XDH: variants seen among roughly 807,000 people sequenced by gnomAD.
The protein encoded by XDH is xanthine dehydrogenase/oxidase.
In XDH, 138 loss-of-function variants were observed where a neutral mutation model predicts 156.1. That is an observed-to-expected ratio of 0.88 (90% confidence interval 0.77 to 1.02). The LOEUF (loss-of-function observed/expected upper bound fraction) is 1.02, where lower values mean the gene tolerates loss of function less well. Ranked by LOEUF, XDH falls within the 50% of genes least tolerant of loss-of-function variation. The pLI is 0.00. For missense variants in XDH, 1,849 were observed against 1,684.9 expected (o/e 1.10, Z -1.71); for synonymous variants, 669 against 625.7 (o/e 1.07, Z -1.03).
chr2:31,349,838 A>G lies in XDH; in HGVS notation c.2824-7T>C, dbSNP rs1368699546. ...ACAGGTTTTTTCTCCGCACCTTCCC[A>G]AGGAGAGAGACACAGAGGCCTTGTT... On this transcript the variant is annotated splice_polypyrimidine_tract_variant and splice_region_variant and intron_variant, in intron 25 of 35. Transcript: ENST00000379416. 7 of 1,613,704 alleles carry G rather than the reference A, an allele frequency of 4.3e-6. No homozygotes were observed. The highest frequency in any genetic ancestry group is 4.0e-5 in the African/African-American group (3 of 74,896).
In XDH at chr2:31,366,827, C is replaced by T. The variant is rs960180775; in HGVS notation, c.2322+43G>A. The T allele has an allele frequency of 2.0e-5, 32 of 1,613,008 alleles. 1 individual carries two copies. The highest frequency in any genetic ancestry group is 2.2e-5 in the Non-Finnish European group (26 of 1,179,886). ...CCCTCCTGGTCTGCTAGGAGCTCCC[C>T]GCTACCCTGACAGCCCCTTGAGCTG... On this transcript the variant is annotated intron_variant, in intron 21 of 35. Transcript: ENST00000379416.
intron 24 of XDH, among the ~76,000 whole-genome samples, chr2:31,362,220 G>A (rs892043236): frequency 7.9e-5 from 12 of 152,140 alleles, no homozygotes; most frequent in African/African-American, 2.7e-4. Flanking sequence ...AGGCACCATT[G>A]ACTATGATTT....
At chr2:31,346,931 C>T in intron 29 of XDH, 88 bp from the exon 30 acceptor site, 1 of 1,554,926 alleles carries the variant, frequency 6.4e-7, no homozygotes, top group Non-Finnish European at 8.9e-7. Context: ...GCAAGGCTAC[C>T]TCCAAGCAAT....
chr2:31,382,935 T>C, intron 11 of XDH, 66 bp downstream of exon 11: 3 of 1,610,436 alleles, frequency 1.9e-6, no homozygotes, highest in Non-Finnish European at 1.7e-6. Context: ...AGTGAGAGTC[T>C]GGCTGCCCTG....
At chr2:31,360,772 C>G (rs1175664152) in intron 24 of XDH, among the ~76,000 whole-genome samples, 1 of 151,874 alleles carries the variant, frequency 6.6e-6, no homozygotes, top group Non-Finnish European at 1.5e-5. Flanking sequence ...GACTGTATAA[C>G]AAGGGGTTCA....
At chr2:31,391,694 C>A (rs1034436322) in intron 6 of XDH, among the ~76,000 whole-genome samples, 1 of 152,188 alleles carries the variant, frequency 6.6e-6, no homozygotes, top group Non-Finnish European at 1.5e-5. Flanking sequence ...GTTTTTCTCA[C>A]ATAAATCTTG....
intron 5 of XDH, 147 bp from the exon 6 acceptor site, chr2:31,397,876 C>T (rs778973601): frequency 1.7e-4 from 143 of 836,602 alleles, no homozygotes; most frequent in Non-Finnish European, 2.7e-4. Flanking sequence ...TTGGCCTTCT[C>T]ATATCCTGAC....
chr2:31,363,461 G>T (rs1469502445), intron 24 of XDH, among the ~76,000 whole-genome samples: 1 of 152,214 alleles, frequency 6.6e-6, no homozygotes. Flanking sequence ...TGGGCCTATG[G>T]AATGGTAATG....
intron 31 of XDH, among the ~76,000 whole-genome samples, chr2:31,343,448 T>C (rs1158060875): frequency 7.5e-6 from 1 of 133,730 alleles, no homozygotes; most frequent in East Asian, 2.3e-4. Context: ...TATATGTTTA[T>C]ACATATATGC....
At chr2:31,364,041 C>A in intron 24 of XDH, 117 bp downstream of exon 24, 1 of 876,246 alleles carries the variant, frequency 1.1e-6, no homozygotes, top group Non-Finnish European at 1.9e-6. Flanking sequence ...GGTGGGGACC[C>A]ATTAGGAGAC....
At chr2:31,374,981 C>T (rs892886069) in intron 15 of XDH, among the ~76,000 whole-genome samples, 2 of 151,420 alleles carry the variant, frequency 1.3e-5, no homozygotes, top group African/African-American at 4.9e-5. Context: ...CTCTGCATTC[C>T]CTTTCTTTTT....
intron 1 of XDH, among the ~76,000 whole-genome samples, 197 bp downstream of exon 1, chr2:31,414,428 T>C (rs1170494442): frequency 6.6e-6 from 1 of 151,708 alleles, no homozygotes; most frequent in African/African-American, 2.4e-5. Flanking sequence ...CTGAGTATCT[T>C]GTCTGTGCTC....
intron 30 of XDH, 37 bp from the exon 31 acceptor site, chr2:31,344,773 A>C: frequency 6.2e-7 from 1 of 1,610,804 alleles, no homozygotes; most frequent in Non-Finnish European, 8.5e-7. Flanking sequence ...AGGTGAAGTG[A>C]GGTTTTCAGG....
At position 31,347,507 on chromosome 2, in the gene XDH, C is replaced by A; in HGVS notation, c.3276+15G>T. On this transcript the variant is annotated intron_variant, in intron 29 of 35. Coordinates refer to ENST00000379416, the MANE Select transcript of XDH (RefSeq NM_000379.4). ...GGCTGGCCCTCTGCTCTGCGGGATCCCATGGGCTCCTTACATAGACGGCCT... is the reference window on the plus strand; with the variant it reads ...GGCTGGCCCTCTGCTCTGCGGGATCACATGGGCTCCTTACATAGACGGCCT... The A allele has an allele frequency of 6.2e-7, 1 of 1,613,356 alleles. No individual in the cohort carries two copies. The highest frequency in any genetic ancestry group is 1.1e-5 in the South Asian group (1 of 91,030).
intron 24 of XDH, among the ~76,000 whole-genome samples, chr2:31,350,914 C>T (rs182505568): frequency 9.5e-4 from 141 of 148,070 alleles, no homozygotes; most frequent in Non-Finnish European, 1.6e-3. Flanking sequence ...TAGCCTCTTC[C>T]ACTTTCCTTC....
At position 31,350,095 on chromosome 2, in the gene XDH, C is replaced by T. The variant is rs772463978; in HGVS notation, c.2760G>A (p.Gly920=). The T allele has an allele frequency of 6.0e-5, 97 of 1,614,130 alleles. No individual in the cohort carries two copies. The highest frequency in any genetic ancestry group is 8.1e-5 in the Non-Finnish European group (96 of 1,180,058). The part of the protein sequence containing the change: ...TAFRGFGGPQ[G]MLIAECWMSE... ...TCATCCAGCACTCGGCAATGAGCAT[C>T]CCCTGGGGCCCCCCAAAGCCCCGGA... Residue 920 remains glycine, a synonymous_variant, in exon 25 of 36, where the codon GGG becomes GGA. Coordinates refer to ENST00000379416, the MANE Select transcript of XDH (RefSeq NM_000379.4).
chr2:31,347,742 C>G, intron 28 of XDH, 92 bp from the exon 29 acceptor site: 1 of 1,521,378 alleles, frequency 6.6e-7, no homozygotes, highest in Non-Finnish European at 8.9e-7. Context: ...TTCACTGTTA[C>G]AGGCAAGAAA....
chr2:31,358,556 C>A (rs1685685705), intron 24 of XDH, among the ~76,000 whole-genome samples: 1 of 151,884 alleles, frequency 6.6e-6, no homozygotes, highest in Non-Finnish European at 1.5e-5. Flanking sequence ...TTAATTATAC[C>A]ATGACCAAGC....
In XDH at chr2:31,348,952, A is replaced by C. The variant is rs531560027; in HGVS notation, c.2998T>G (p.Cys1000Gly). 1.2e-6 allele frequency: 2 copies of C among 1,613,520 alleles called. No individual in the cohort carries two copies. The highest frequency in any genetic ancestry group is 3.3e-5 in the Admixed American group (2 of 60,034). The stretch of plus-strand genomic sequence containing the variant: ...ATTCCAAACTTGGTGGGAATTATGC[A>C]CAATCCTCTCTTTTTCCAACAATTC... ...KENCWKKRGL[C>G]IIPTKFGISF... The change falls in exon 27 of 36, where the codon TGC becomes GGC. Residue 1000 changes from cysteine to glycine, a missense_variant. Physicochemically the swap from Cys to Gly is radical, Grantham distance 159. Transcript: ENST00000379416.
Sources: allele counts gnomAD v4.1 joint callset (sites outside exome capture counted in the v4.1 genomes callset), GRCh38; gene constraint gnomAD v4.1.1; transcripts MANE v1.5; gene names NCBI Gene and HGNC (gene_info 2026-07-23, HGNC 2026-07-21).